The following SLC39A11 variants were observed in gnomAD, a reference collection of about 807,000 sequenced individuals.
SLC39A11 encodes the protein solute carrier family 39 member 11.
In SLC39A11, 33 loss-of-function variants were observed where a neutral mutation model predicts 36.1. That is an observed-to-expected ratio of 0.91 (90% CI 0.69 to 1.22). The LOEUF is 1.22. Ranked by LOEUF, SLC39A11 falls within the 50% of genes most tolerant of loss-of-function variation. The probability of loss-of-function intolerance (pLI) is 0.00; values close to 1 mark genes in which losing one functional copy is unlikely to be tolerated. For synonymous variants in SLC39A11, 166 were observed against 170.3 expected, an observed-to-expected ratio of 0.97 and a Z score of 0.20; for missense variants, 432 against 430.3, an observed-to-expected ratio of 1.00 and a Z score of -0.03.
Position 72,759,777 on chromosome 17 carries a change from A to G in SLC39A11, c.602-23058T>C, listed in dbSNP as rs562754768. On this transcript the variant is annotated intron_variant, in intron 6 of 9. Coordinates refer to ENST00000255559, the MANE Select transcript of SLC39A11 (RefSeq NM_139177.4). ...TCATGGGTGGAAAATGAGCTAAAAC[A>G]TTTAGCTCAGATCTAGTATTCAAGA... Among the ~76,000 whole-genome samples the G allele has an allele frequency of 2.6e-5, 4 of 152,340 alleles. No homozygotes were observed. In the South Asian group the frequency reaches 8.3e-4, roughly 32 times the overall value.
intron 6 of SLC39A11, among the ~76,000 whole-genome samples, chr17:72,811,984 T>TA (rs1470627781): frequency 4.6e-5 from 7 of 152,198 alleles, no homozygotes; most frequent in Admixed American, 3.3e-4. Context: ...GCATCCACAA[T>TA]AAAAAATCCT....
At chr17:72,936,012 C>A (rs1435943322) in intron 5 of SLC39A11, among the ~76,000 whole-genome samples, 2 of 152,082 alleles carry the variant, frequency 1.3e-5, no homozygotes, top group African/African-American at 4.8e-5. Context: ...GCCTGGCCAA[C>A]ATGGCGAAAC....
intron 5 of SLC39A11, among the ~76,000 whole-genome samples, chr17:72,912,321 A>G (rs67150774): frequency 0.51 from 77,503 of 151,510 alleles, 19,781 homozygotes; most frequent in African/African-American, 0.53. Context: ...AGGCATTACA[A>G]CAGAAGCCAC....
chr17:72,788,667 C>T (rs868112816), intron 6 of SLC39A11, among the ~76,000 whole-genome samples: 3 of 152,190 alleles, frequency 2.0e-5, no homozygotes, highest in Admixed American at 6.5e-5. Context: ...GGCCAAACAC[C>T]GGGGCTCCAC....
intron 4 of SLC39A11, among the ~76,000 whole-genome samples, chr17:72,967,644 T>C (rs35913892): frequency 0.034 from 5,121 of 152,218 alleles, 107 homozygotes; most frequent in Non-Finnish European, 0.045. Flanking sequence ...GAGAGTGCTT[T>C]GCAAAAAACA....
chr17:72,658,215 G>A (rs983722249), intron 7 of SLC39A11, among the ~76,000 whole-genome samples: 2 of 152,194 alleles, frequency 1.3e-5, no homozygotes, highest in African/African-American at 2.4e-5. Flanking sequence ...GAGTGTAGGC[G>A]GGGGAAAGGT....
At chr17:72,998,787 G>T (rs948973702) in intron 4 of SLC39A11, among the ~76,000 whole-genome samples, 3 of 152,178 alleles carry the variant, frequency 2.0e-5, no homozygotes, top group African/African-American at 7.2e-5. Flanking sequence ...AACTCTGGGG[G>T]TCCCCGCTGA....
intron 5 of SLC39A11, among the ~76,000 whole-genome samples, chr17:72,885,847 C>T (rs569896891): frequency 1.3e-5 from 2 of 152,254 alleles, no homozygotes; most frequent in East Asian, 1.9e-4. Context: ...CTGCACTTGT[C>T]GCCAAAGAGT....
intron 6 of SLC39A11, among the ~76,000 whole-genome samples, chr17:72,757,389 T>A (rs1206200988): frequency 6.6e-6 from 1 of 152,118 alleles, no homozygotes; most frequent in African/African-American, 2.4e-5. Flanking sequence ...AGTTTCTCCT[T>A]CAGAGCTGCT....
chr17:72,848,040 T>A (rs1384107911), intron 6 of SLC39A11, among the ~76,000 whole-genome samples: 1 of 152,174 alleles, frequency 6.6e-6, no homozygotes, highest in Non-Finnish European at 1.5e-5. Context: ...ATCGAGGAAA[T>A]CATGGCTGAA....
chr17:72,907,918 T>C (rs377385291), intron 5 of SLC39A11, among the ~76,000 whole-genome samples: 3 of 152,182 alleles, frequency 2.0e-5, no homozygotes, highest in African/African-American at 4.8e-5. Context: ...AGGTCGTTCC[T>C]GGACGTGGGA....
intron 7 of SLC39A11, among the ~76,000 whole-genome samples, chr17:72,728,212 T>C (rs943217305): frequency 3.9e-5 from 6 of 152,080 alleles, no homozygotes; most frequent in African/African-American, 1.2e-4. Flanking sequence ...TTTGGGAGGC[T>C]GAGGCAGGCA....
At chr17:72,986,925 GT>G (rs1282830935) in intron 4 of SLC39A11, among the ~76,000 whole-genome samples, 1 of 152,150 alleles carries the variant, frequency 6.6e-6, no homozygotes, top group African/African-American at 2.4e-5. Context: ...ACAGGGTATT[GT>G]CCAATAAACC....
At chr17:72,935,532 ATTAAT>A (rs948223773) in intron 5 of SLC39A11, among the ~76,000 whole-genome samples, 5 of 152,210 alleles carry the variant, frequency 3.3e-5, no homozygotes, top group African/African-American at 9.6e-5. Context: ...TTTATGATAT[ATTAAT>A]TTAAAGAATA....
intron 3 of SLC39A11, among the ~76,000 whole-genome samples, chr17:73,033,170 A>G (rs191474654): frequency 6.6e-6 from 1 of 152,340 alleles, no homozygotes; most frequent in East Asian, 1.9e-4. Flanking sequence ...CTGGTCTGAC[A>G]GGAGGCGGAG....
At chr17:72,910,003 C>T (rs2082896922) in intron 5 of SLC39A11, among the ~76,000 whole-genome samples, 3 of 151,978 alleles carry the variant, frequency 2.0e-5, no homozygotes, top group Admixed American at 2.0e-4. Flanking sequence ...CCACCCACCT[C>T]GGCCTCCCAA....
chr17:72,718,428 G>C (rs527311534), intron 7 of SLC39A11, among the ~76,000 whole-genome samples: 1 of 152,298 alleles, frequency 6.6e-6, no homozygotes, highest in African/African-American at 2.4e-5. Context: ...AACAGAGCAA[G>C]ACTCCATCTC....
chr17:73,016,870 C>T (rs958943427), intron 4 of SLC39A11, among the ~76,000 whole-genome samples: 3 of 152,168 alleles, frequency 2.0e-5, no homozygotes, highest in African/African-American at 7.2e-5. Flanking sequence ...TCCAATTATG[C>T]TTATTCCTGC....
intron 5 of SLC39A11, among the ~76,000 whole-genome samples, chr17:72,873,863 C>A (rs1190244373): frequency 6.6e-6 from 1 of 152,154 alleles, no homozygotes; most frequent in Non-Finnish European, 1.5e-5. Context: ...GTGGAGATAA[C>A]TGAATCATGG....
Sources: gnomAD v4.1 joint callset for allele counts (sites outside exome capture counted in the v4.1 genomes callset) on GRCh38, gnomAD v4.1.1 for gene constraint, MANE v1.5 for transcripts, NCBI Gene and HGNC (gene_info 2026-07-23, HGNC 2026-07-21) for gene names.